SRP72: variants seen among roughly 807,000 people sequenced by gnomAD.
SRP72 encodes signal recognition particle 72.
In SRP72, 49 loss-of-function variants were observed where a neutral mutation model predicts 96.3. The observed-to-expected ratio is 0.51, with a 90% confidence interval of 0.40 to 0.65. The LOEUF (loss-of-function observed/expected upper bound fraction) is 0.65, where lower values mean the gene tolerates loss of function less well. Ranked by LOEUF, SRP72 falls within the 30% of genes least tolerant of loss-of-function variation. The pLI is 0.00. For synonymous variants in SRP72, 267 were observed against 275.2 expected (o/e 0.97, Z 0.30); for missense variants, 736 against 793.3 (o/e 0.93, Z 0.87).
intron 1 of SRP72, 43 bp downstream of exon 1, chr4:56,467,787 G>A: frequency 7.0e-7 from 1 of 1,429,434 alleles, no homozygotes; most frequent in South Asian, 1.5e-5. Flanking sequence ...AGGCCGGCTG[G>A]AGGATGCGGC....
chr4:56,469,781 A>C lies in SRP72; in HGVS notation c.230+8A>C. On this transcript the variant is annotated splice_region_variant and intron_variant, in intron 2 of 18. Coordinates refer to ENST00000642900, the MANE Select transcript of SRP72 (RefSeq NM_006947.4). ...CACCAAAGTGTTAGCCAAGTAAGTG[A>C]TTCAGTTAGTTGCTTGTACAGTTAT... 6.2e-7 allele frequency: 1 copy of C among 1,603,152 alleles called. No individual in the cohort carries two copies. Among genetic ancestry groups the C allele is most frequent in the Non-Finnish European group, 8.5e-7 (1 of 1,171,898 alleles).
intron 1 of SRP72, 73 bp downstream of exon 1, chr4:56,467,817 C>A: frequency 1.5e-6 from 2 of 1,318,114 alleles, no homozygotes; most frequent in South Asian, 1.7e-5. Context: ...GCGCGCGAGA[C>A]CACCTCGCGC....
intron 17 of SRP72, 43 bp downstream of exon 17, chr4:56,495,437 A>G (rs1436076593): frequency 1.5e-6 from 2 of 1,342,942 alleles, no homozygotes; most frequent in Non-Finnish European, 2.1e-6. Flanking sequence ...TCCAAAATAA[A>G]TGTTTGATTT....
intron 1 of SRP72, among the ~76,000 whole-genome samples, chr4:56,468,209 G>A (rs1014753094): frequency 6.6e-6 from 1 of 152,180 alleles, no homozygotes; most frequent in Non-Finnish European, 1.5e-5. Flanking sequence ...TAGTTTAGAG[G>A]CTGGTGCTAA....
At chr4:56,469,007 C>G (rs1341318240) in intron 1 of SRP72, among the ~76,000 whole-genome samples, 1 of 152,120 alleles carries the variant, frequency 6.6e-6, no homozygotes, top group Admixed American at 6.5e-5. Flanking sequence ...TGAGTTCTTC[C>G]TTATACTTTG....
At chr4:56,488,828 A>G (rs933655646) in intron 12 of SRP72, among the ~76,000 whole-genome samples, 2 of 151,934 alleles carry the variant, frequency 1.3e-5, no homozygotes, top group African/African-American at 4.8e-5. Context: ...TAGCCTGTCC[A>G]GAGGTTTATC....
intron 6 of SRP72, 86 bp from the exon 7 acceptor site, chr4:56,478,293 G>GT (rs886787523): frequency 4.4e-6 from 6 of 1,360,134 alleles, no homozygotes; most frequent in Admixed American, 2.6e-5. Flanking sequence ...CTTCAGGATT[G>GT]TATCTCTTTT....
chr4:56,479,238 G>C (rs1023924491), intron 8 of SRP72, among the ~76,000 whole-genome samples: 15 of 152,012 alleles, frequency 9.9e-5, no homozygotes, highest in African/African-American at 3.6e-4. Flanking sequence ...GGAGTGCAGT[G>C]ACACGATCTC....
chr4:56,493,924 G>T (rs191699191), intron 16 of SRP72, among the ~76,000 whole-genome samples: 19 of 152,250 alleles, frequency 1.2e-4, no homozygotes, highest in African/African-American at 3.6e-4. Context: ...TTGCAATAAA[G>T]ATTGCACCTG....
rs573088799 is a variant in SRP72 at position 56,493,722 on chromosome 4, C to T, written c.1641-1635C>T. On this transcript the variant is annotated intron_variant, in intron 16 of 18. Transcript: ENST00000642900. Reference sequence around the variant, plus strand: ...CTCTACTAAAAATACAAAAATTAGCCGGGCGTAGTGACACATGTCTATAAT... The same window carrying T: ...CTCTACTAAAAATACAAAAATTAGCTGGGCGTAGTGACACATGTCTATAAT... Among the ~76,000 whole-genome samples the T allele has an allele frequency of 7.9e-5, 12 of 152,024 alleles. No individual in the cohort carries two copies. The South Asian group carries it at 1.9e-3, about 24-fold the overall frequency.
Position 56,501,967 on chromosome 4 carries a change from C to A in SRP72, c.*106C>A. On this transcript the variant is annotated 3_prime_UTR_variant, in exon 19 of 19. Transcript: ENST00000642900. Reference sequence around the variant, plus strand: ...CACAGAACTACTCCCTCTTCATCTCCATATTTTCATAATTTCTTGTGTTTC... The same window carrying A: ...CACAGAACTACTCCCTCTTCATCTCAATATTTTCATAATTTCTTGTGTTTC... The A allele has an allele frequency of 1.7e-6, 2 of 1,150,938 alleles. No homozygotes were observed. Among genetic ancestry groups the A allele is most frequent in the Non-Finnish European group, 2.5e-6 (2 of 795,206 alleles). The allele number at this position is 1,150,938 out of a possible 1,614,324, so 71.3% of individuals were successfully genotyped here. A position where few individuals can be genotyped will look rare whatever the true frequency, so the allele number is the denominator to read the frequency against.
At position 56,471,083 on chromosome 4, in the gene SRP72, T is replaced by G. The variant is rs183999166; in HGVS notation, c.231-637T>G. ...TCCCAAAGTGCTGGGATTACAGGCA[T>G]GAGCCACCACACCTGGCTCAAAAAT... is the stretch of plus-strand genomic sequence containing the variant. On this transcript the variant is annotated intron_variant, in intron 2 of 18. Coordinates refer to ENST00000642900, the MANE Select transcript of SRP72 (RefSeq NM_006947.4). Among the ~76,000 whole-genome samples, 168 of 152,266 alleles carry G rather than the reference T, an allele frequency of 1.1e-3. 1 individual carries two copies. Among genetic ancestry groups the G allele is most frequent in the African/African-American group, 3.9e-3 (162 of 41,558 alleles).
intron 8 of SRP72, among the ~76,000 whole-genome samples, chr4:56,479,009 A>C (rs888955144): frequency 1.3e-5 from 2 of 152,096 alleles, no homozygotes; most frequent in African/African-American, 4.8e-5. Flanking sequence ...TGAATGTGAA[A>C]GTGTTCTTTA....
intron 15 of SRP72, among the ~76,000 whole-genome samples, chr4:56,491,104 G>A (rs573490089): frequency 6.6e-6 from 1 of 152,142 alleles, no homozygotes; most frequent in African/African-American, 2.4e-5. Context: ...GTGGGTTGGT[G>A]GATGCTAAGC....
At position 56,469,637 on chromosome 4, in the gene SRP72, T is replaced by TA; in HGVS notation, c.110-12dup. On this transcript the variant is annotated splice_polypyrimidine_tract_variant and intron_variant, in intron 1 of 18. Coordinates refer to ENST00000642900, the MANE Select transcript of SRP72 (RefSeq NM_006947.4). ...AAATGGATTTAAAAATGACTTTTCCTAAAATTGTTCTCTAGTACTACAGAT... is the reference window on the plus strand; with the variant it reads ...AAATGGATTTAAAAATGACTTTTCCTAAAAATTGTTCTCTAGTACTACAGAT... 1 of 1,536,988 alleles carries TA rather than the reference T, an allele frequency of 6.5e-7. No homozygotes were observed. The highest frequency in any genetic ancestry group is 8.9e-7 in the Non-Finnish European group (1 of 1,128,236).
intron 8 of SRP72, among the ~76,000 whole-genome samples, chr4:56,479,788 A>C (rs1389339496): frequency 6.6e-6 from 1 of 152,162 alleles, no homozygotes; most frequent in Non-Finnish European, 1.5e-5. Context: ...AGCCTGGAAA[A>C]ACATTTCAAG....
rs1157091823 is a variant in SRP72 at position 56,503,238 on chromosome 4, A to AT, written c.*1379dup. On this transcript the variant is annotated 3_prime_UTR_variant, in exon 19 of 19. Transcript: ENST00000642900. ...GATCTTTTTTAAATAAAAATTATGT[A>AT]TTGTGGCATAATCCTTTTTTTGAGC... 4.6e-5 allele frequency: 7 copies of AT among 152,174 alleles called. No homozygotes were observed. The highest frequency in any genetic ancestry group is 9.6e-5 in the African/African-American group (4 of 41,454). The allele number at this position is 152,174 out of a possible 1,614,324, so 9.4% of individuals were successfully genotyped here.
At chr4:56,491,595 T>G in intron 16 of SRP72, 27 bp downstream of exon 16, 8 of 1,595,254 alleles carry the variant, frequency 5.0e-6, no homozygotes, top group Non-Finnish European at 6.9e-6. Context: ...TAACGTTCTC[T>G]AATGCTGATT....
chr4:56,478,241 C>A, intron 6 of SRP72, 138 bp from the exon 7 acceptor site: 1 of 586,268 alleles, frequency 1.7e-6, no homozygotes. Flanking sequence ...CTGGCTGTTT[C>A]TAAAGAACTG....
Sources: allele counts gnomAD v4.1 joint callset (sites outside exome capture counted in the v4.1 genomes callset), GRCh38; gene constraint gnomAD v4.1.1; transcripts MANE v1.5; gene names NCBI Gene and HGNC (gene_info 2026-07-23, HGNC 2026-07-21).